FAM50A: variants seen among roughly 807,000 people sequenced by gnomAD.
The protein encoded by FAM50A is protein FAM50A.
A neutral mutation model predicts 35.5 loss-of-function variants in FAM50A; 6 were observed. The ratio of observed to expected loss-of-function variants is 0.17; its 90% CI spans 0.09 to 0.33. The LOEUF (loss-of-function observed/expected upper bound fraction) is 0.33. FAM50A is among the 10% of genes least tolerant of loss of function. FAM50A has a pLI of 1.00. For synonymous variants in FAM50A, 120 were observed against 110.9 expected, an observed-to-expected ratio of 1.08 and a Z score of -0.52; for missense variants, 145 against 295.5, an observed-to-expected ratio of 0.49 and a Z score of 3.73.
At chrX:154,448,591 C>T (rs374261056) in intron 5 of FAM50A, 31 bp downstream of exon 5, 20 of 1,186,836 alleles carry the variant, frequency 1.7e-5, no homozygotes, top group African/African-American at 8.9e-5. Flanking sequence ...ACCCCGGCCT[C>T]GACTCCAGCC....
Position 154,450,313 on chromosome X carries a change from G to A in FAM50A, c.1005G>A (p.Lys335=). 2 of 1,210,000 alleles carry A rather than the reference G, an allele frequency of 1.7e-6. No individual in the cohort carries two copies. Among genetic ancestry groups the A allele is most frequent in the Admixed American group, 4.3e-5 (2 of 46,094 alleles). The part of the protein sequence containing the change: ...EPYDPEKKWD[K]YTIR ...ACGACCCTGAAAAGAAGTGGGACAAGTACACGGTGAGGAGGGGCTGGCAGG... is the reference window on the plus strand; with the variant it reads ...ACGACCCTGAAAAGAAGTGGGACAAATACACGGTGAGGAGGGGCTGGCAGG... The change falls in exon 12 of 13, where the codon AAG becomes AAA. Residue 335 remains lysine, a synonymous_variant. Coordinates refer to ENST00000393600, the MANE Select transcript of FAM50A (RefSeq NM_004699.4).
At chrX:154,446,953 G>T (rs1055466561) in intron 4 of FAM50A, among the ~76,000 whole-genome samples, 23 of 112,700 alleles carry the variant, frequency 2.0e-4, no homozygotes, top group African/African-American at 7.1e-4. Flanking sequence ...GCTCAGGATG[G>T]CTGGGGAGTG....
chrX:154,449,129 C>A, intron 7 of FAM50A, 92 bp from the exon 8 acceptor site: 1 of 915,100 alleles, frequency 1.1e-6, no homozygotes, highest in Non-Finnish European at 1.6e-6. Context: ...GGCTCTGCAG[C>A]GTCTGGCAGG....
intron 3 of FAM50A, 63 bp from the exon 4 acceptor site, chrX:154,446,352 G>A: frequency 9.1e-7 from 1 of 1,101,845 alleles, no homozygotes; most frequent in Non-Finnish European, 1.3e-6. Flanking sequence ...CTGGGTCAAG[G>A]AAGGGGCTGG....
At chrX:154,449,115 C>A in intron 7 of FAM50A, 106 bp from the exon 8 acceptor site, 1 of 891,694 alleles carries the variant, frequency 1.1e-6, no homozygotes, top group Non-Finnish European at 1.6e-6. Flanking sequence ...CCAGGCCTGG[C>A]TGAGGCTCTG....
In FAM50A at chrX:154,445,621, C is replaced by CA. The variant is rs2068779362; in HGVS notation, c.112-11dup. The stretch of plus-strand genomic sequence containing the variant: ...GAGGGGTGGTTCTCATGGTGGCTGT[C>CA]ACTCCCCGCAGGAGAACATCATGAA... On this transcript the variant is annotated splice_polypyrimidine_tract_variant and intron_variant, in intron 1 of 12. Transcript: ENST00000393600. 1 of 1,192,408 alleles carries CA rather than the reference C, an allele frequency of 8.4e-7. No individual in the cohort carries two copies. Among genetic ancestry groups the CA allele is most frequent in the Non-Finnish European group, 1.1e-6 (1 of 880,389 alleles).
At position 154,446,528 on chromosome X, in the gene FAM50A, C is replaced by T. The variant is rs149558328; in HGVS notation, c.410C>T (p.Ala137Val). 7,689 of 1,183,403 alleles carry T rather than the reference C, an allele frequency of 6.5e-3. 24 individuals are homozygous for T. Among genetic ancestry groups the T allele is most frequent in the Non-Finnish European group, 8.0e-3 (7,055 of 877,870 alleles). Residue 137 changes from alanine to valine, a missense_variant, in exon 4 of 13, where the codon GCG (alanine) becomes GTG (valine). Ala to Val is a moderately conservative substitution (Grantham distance 64). Around this residue, in one of 5 missense-constraint regions of FAM50A, gnomAD observed 32 missense variants for 22.9 expected, o/e 1.40. Coordinates refer to ENST00000393600, the MANE Select transcript of FAM50A (RefSeq NM_004699.4). Reference sequence around the variant, plus strand: ...GAGGGAGGCGAGGAGGAAGAGGAGGCGGCCATGTATGAGGAGGAGATGGAA... The same window carrying T: ...GAGGGAGGCGAGGAGGAAGAGGAGGTGGCCATGTATGAGGAGGAGATGGAA... ...EEEGGEEEEE[A>V]AMYEEEMERE...
chrX:154,449,777 C>G, intron 9 of FAM50A, 42 bp downstream of exon 9: 1 of 1,195,724 alleles, frequency 8.4e-7, no homozygotes, highest in Non-Finnish European at 1.1e-6. Flanking sequence ...GGTGCAGCAC[C>G]CTGGGCTTTG....
chrX:154,445,991 T>TGGG, intron 3 of FAM50A, 80 bp downstream of exon 3: 1 of 736,134 alleles, frequency 1.4e-6, no homozygotes, highest in East Asian at 3.4e-5. Flanking sequence ...TTTTGCACCC[T>TGGG]GGGGGGGACC....
At position 154,444,340 on chromosome X, in the gene FAM50A, C is replaced by T. The variant is rs1557199541; in HGVS notation, c.105C>T (p.Ile35=). 1.8e-6 allele frequency: 2 copies of T among 1,086,615 alleles called. No homozygotes were observed. Among genetic ancestry groups the T allele is most frequent in the Non-Finnish European group, 1.2e-6 (1 of 822,962 alleles). The allele number at this position is 1,086,615 out of a possible 1,213,427, so 89.5% of individuals were successfully genotyped here. A position where few individuals can be genotyped will look rare whatever the true frequency, so the allele number is the denominator to read the frequency against. ...AGATGGAGCAGATGAAGCAGCGCAT[C>T]GCGGAGGTGCGAGCCGGGGAGCCTC... ...REQMEQMKQR[I]AEENIMKSNI... Residue 35 remains isoleucine, a synonymous_variant, in exon 1 of 13, where the codon ATC becomes ATT. Transcript: ENST00000393600.
chrX:154,444,439 C>T (rs1360756812), intron 1 of FAM50A, 93 bp downstream of exon 1: 1 of 481,482 alleles, frequency 2.1e-6, no homozygotes, highest in Non-Finnish European at 2.9e-6. Context: ...GGGCGGTGGC[C>T]ACGGAGCGCG....
In FAM50A at chrX:154,450,490, T is replaced by A. The variant is rs2068801404; in HGVS notation, c.*58T>A. 8.7e-7 allele frequency: 1 copy of A among 1,152,630 alleles called. No homozygotes were observed. The highest frequency in any genetic ancestry group is 2.3e-5 in the Admixed American group (1 of 44,224). 95.0% of individuals were successfully genotyped at this position (1,152,630 alleles called of 1,213,427 possible). A position where few individuals can be genotyped will look rare whatever the true frequency, so the allele number is the denominator to read the frequency against. ...AGCTCCCTCAGTGTGCCCCGTGGTGTCACCGGGACTCCAGGCACCCGCTCC... is the reference window on the plus strand; with the variant it reads ...AGCTCCCTCAGTGTGCCCCGTGGTGACACCGGGACTCCAGGCACCCGCTCC... On this transcript the variant is annotated 3_prime_UTR_variant, in exon 13 of 13. Transcript: ENST00000393600.
At chrX:154,446,320 C>G (rs1257719949) in intron 3 of FAM50A, 95 bp from the exon 4 acceptor site, 13 of 847,251 alleles carry the variant, frequency 1.5e-5, no homozygotes, top group Non-Finnish European at 2.3e-5. Context: ...GGGCAGGCCC[C>G]ACATAGGGCA....
At chrX:154,450,142 G>A (rs1557200381) in intron 11 of FAM50A, 43 bp downstream of exon 11, 1 of 1,200,007 alleles carries the variant, frequency 8.3e-7, no homozygotes, top group African/African-American at 1.7e-5. Context: ...GGTGTCCCTG[G>A]GCTATGGAGG....
intron 8 of FAM50A, 135 bp downstream of exon 8, chrX:154,449,432 G>A: frequency 1.8e-6 from 1 of 555,544 alleles, no homozygotes; most frequent in Non-Finnish European, 3.1e-6. Context: ...CCAAAAGAGG[G>A]GGTCAGGCTC....
rs782088420 is a variant in FAM50A at position 154,446,377 on chromosome X, G to A, written c.297-38G>A. 5.1e-6 allele frequency: 6 copies of A among 1,175,033 alleles called. No homozygotes were observed. In the African/African-American group the frequency reaches 7.1e-5, roughly 14 times the overall value. On this transcript the variant is annotated intron_variant, in intron 3 of 12. Coordinates refer to ENST00000393600, the MANE Select transcript of FAM50A (RefSeq NM_004699.4). The stretch of plus-strand genomic sequence containing the variant: ...GAAGGGGCTGGGTCAGGGTCGGGAA[G>A]GACATGATGTGTGATGGGGCCACCT...
intron 3 of FAM50A, among the ~76,000 whole-genome samples, 187 bp downstream of exon 3, chrX:154,446,098 C>T (rs1326649963): frequency 2.7e-5 from 3 of 112,433 alleles, no homozygotes; most frequent in Non-Finnish European, 3.8e-5. Context: ...TTCACCATGG[C>T]GGCTTGTCTT....
rs782036183 is a variant in FAM50A at position 154,449,952 on chromosome X, C to T, written c.829+21C>T. ...GAGTGGTGAGTGCCGCCGACCCAGC[C>T]GCCCCCATAGCACCTTGCCGCCGAT... is the stretch of plus-strand genomic sequence containing the variant. On this transcript the variant is annotated intron_variant, in intron 10 of 12. Transcript: ENST00000393600. 76 of 1,208,425 alleles carry T rather than the reference C, an allele frequency of 6.3e-5. No homozygotes were observed. The Admixed American group carries it at 7.0e-4, about 11-fold the overall frequency.
At chrX:154,448,067 TC>T (rs1569553588) in intron 4 of FAM50A, among the ~76,000 whole-genome samples, 2 of 95,968 alleles carry the variant, frequency 2.1e-5, no homozygotes, top group African/African-American at 1.0e-4. Context: ...TTCTTTTTTT[TC>T]TTTCTTTTTT....
Sources: allele counts gnomAD v4.1 joint callset (sites outside exome capture counted in the v4.1 genomes callset), GRCh38; gene constraint gnomAD v4.1.1; regional missense constraint gnomAD v4.1.1; transcripts MANE v1.5; gene names NCBI Gene and HGNC (gene_info 2026-07-23, HGNC 2026-07-21).